The following MBNL1 variants were observed in gnomAD, a reference collection of about 807,000 sequenced individuals.
MBNL1 encodes muscleblind like splicing regulator 1, also known as muscleblind-like protein 1.
MBNL1 carries 8 observed loss-of-function variants against 42.2 expected under a neutral mutation model. That is an observed-to-expected ratio of 0.19 (90% CI 0.11 to 0.34). The LOEUF (loss-of-function observed/expected upper bound fraction) is 0.34, where lower values mean the gene tolerates loss of function less well. Ranked by LOEUF, MBNL1 falls within the 10% of genes least tolerant of loss-of-function variation. The probability of loss-of-function intolerance (pLI) is 1.00; values close to 1 mark genes in which losing one functional copy is unlikely to be tolerated. For synonymous variants in MBNL1, 169 were observed against 173.9 expected (o/e 0.97, Z 0.22); for missense variants, 309 against 495.3 (o/e 0.62, Z 3.57).
At chr3:152,364,776 G>A (rs1236790139) in intron 2 of MBNL1, among the ~76,000 whole-genome samples, 6 of 152,072 alleles carry the variant, frequency 3.9e-5, no homozygotes, top group Non-Finnish European at 5.9e-5. Context: ...GTCAGATACT[G>A]TGAGAGAGAT....
intron 2 of MBNL1, among the ~76,000 whole-genome samples, chr3:152,397,560 G>C (rs1004999917): frequency 7.2e-5 from 11 of 152,126 alleles, no homozygotes; most frequent in Non-Finnish European, 1.5e-4. Context: ...TGGCTGCATA[G>C]TATTCCATGG....
chr3:152,258,493 G>A (rs2035764573), intron 2 of MBNL1, among the ~76,000 whole-genome samples: 1 of 152,182 alleles, frequency 6.6e-6, no homozygotes, highest in African/African-American at 2.4e-5. Context: ...TCATGTGCAG[G>A]CCATTGCACC....
intron 2 of MBNL1, among the ~76,000 whole-genome samples, chr3:152,404,302 C>T (rs1329489225): frequency 2.0e-5 from 3 of 152,090 alleles, no homozygotes; most frequent in Non-Finnish European, 4.4e-5. Context: ...TAATTATATG[C>T]ATAATATATG....
chr3:152,336,649 T>C (rs1009225487), intron 2 of MBNL1, among the ~76,000 whole-genome samples: 1 of 152,216 alleles, frequency 6.6e-6, no homozygotes, highest in Non-Finnish European at 1.5e-5. Context: ...AGGTGGGAGT[T>C]ACTTCATTTT....
chr3:152,315,919 G>A (rs925316008), intron 2 of MBNL1, among the ~76,000 whole-genome samples: 21 of 151,332 alleles, frequency 1.4e-4, no homozygotes, highest in African/African-American at 3.4e-4. Flanking sequence ...ATATGCGCGC[G>A]CACACACCCA....
intron 2 of MBNL1, among the ~76,000 whole-genome samples, chr3:152,311,234 C>A (rs1028155782): frequency 6.6e-6 from 1 of 152,040 alleles, no homozygotes; most frequent in African/African-American, 2.4e-5. Flanking sequence ...GTATCAAACT[C>A]CTGACCTCGT....
chr3:152,414,358 T>C (rs2098659075), intron 2 of MBNL1, among the ~76,000 whole-genome samples: 1 of 152,244 alleles, frequency 6.6e-6, no homozygotes, highest in African/African-American at 2.4e-5. Flanking sequence ...TATTAATCTC[T>C]ATATACAGTG....
chr3:152,296,672 TTG>T (rs10564035), intron 1 of MBNL1, among the ~76,000 whole-genome samples: 73,013 of 148,364 alleles, frequency 0.49, 17,969 homozygotes, highest in East Asian at 0.79. Flanking sequence ...GAGGCAATGA[TTG>T]TGTGTGTGTG....
At chr3:152,384,790 C>T (rs1393081082) in intron 2 of MBNL1, among the ~76,000 whole-genome samples, 1 of 152,046 alleles carries the variant, frequency 6.6e-6, no homozygotes, top group Non-Finnish European at 1.5e-5. Context: ...TTTTGTGTTG[C>T]TTTGAAATGT....
At chr3:152,434,995 TTACTC>T (rs1001697343) in intron 4 of MBNL1, among the ~76,000 whole-genome samples, 75 of 152,342 alleles carry the variant, frequency 4.9e-4, no homozygotes, top group African/African-American at 1.7e-3. Flanking sequence ...TGTAGGCTGT[TTACTC>T]TGTTGATAGT....
At chr3:152,442,084 C>T (rs770123860) in intron 4 of MBNL1, among the ~76,000 whole-genome samples, 44 of 152,128 alleles carry the variant, frequency 2.9e-4, no homozygotes, top group African/African-American at 7.5e-4. Context: ...TGAGCCACCG[C>T]GCCCAGTCAG....
chr3:152,276,088 C>A (rs996476419), intron 1 of MBNL1, among the ~76,000 whole-genome samples: 4 of 152,024 alleles, frequency 2.6e-5, no homozygotes, highest in African/African-American at 9.7e-5. Flanking sequence ...AAGACTTTTA[C>A]CTTAAAGATC....
rs76959984 is a variant in MBNL1 at position 152,463,139 on chromosome 3, CTT to C, written c.*787_*788del. The stretch of plus-strand genomic sequence containing the variant: ...TACTAATCAGTCAAAGGGCACCATT[CTT>C]TTTTTTTTTTTTTGAAACCAAAGCT... On this transcript the variant is annotated 3_prime_UTR_variant, in exon 10 of 10. Coordinates refer to ENST00000324210, the MANE Select transcript of MBNL1 (RefSeq NM_021038.5). The C allele has an allele frequency of 1.6e-4, 21 of 135,100 alleles. No homozygotes were observed. The highest frequency in any genetic ancestry group is 1.8e-4 in the Non-Finnish European group (11 of 61,630). The allele number at this position is 135,100 out of a possible 1,614,324, so 8.4% of individuals were successfully genotyped here.
chr3:152,404,939 A>G (rs1295714648), intron 2 of MBNL1, among the ~76,000 whole-genome samples: 2 of 152,058 alleles, frequency 1.3e-5, no homozygotes, highest in East Asian at 1.9e-4. Flanking sequence ...TTGGTGTTCC[A>G]TTTCTTAAAA....
intron 2 of MBNL1, among the ~76,000 whole-genome samples, chr3:152,356,029 T>C (rs1439094611): frequency 6.6e-6 from 1 of 152,210 alleles, no homozygotes; most frequent in Non-Finnish European, 1.5e-5. Flanking sequence ...CAAAATTGCT[T>C]CTGGCCTCCA....
intron 2 of MBNL1, among the ~76,000 whole-genome samples, chr3:152,361,667 G>A (rs2153136978): frequency 6.6e-6 from 1 of 152,000 alleles, no homozygotes; most frequent in South Asian, 2.1e-4. Flanking sequence ...TGATTCAGAT[G>A]GATAATGATA....
chr3:152,411,467 C>A (rs931685504), intron 2 of MBNL1, among the ~76,000 whole-genome samples: 1 of 152,172 alleles, frequency 6.6e-6, no homozygotes, highest in Non-Finnish European at 1.5e-5. Context: ...TTGCAGTGAG[C>A]CCAGATCGCG....
At chr3:152,305,764 C>T (rs1202320261) in intron 2 of MBNL1, among the ~76,000 whole-genome samples, 1 of 152,148 alleles carries the variant, frequency 6.6e-6, no homozygotes, top group Non-Finnish European at 1.5e-5. Flanking sequence ...TTACTGTAAA[C>T]AAGCTTGATT....
At chr3:152,425,346 G>A (rs894015150) in intron 3 of MBNL1, among the ~76,000 whole-genome samples, 22 of 151,842 alleles carry the variant, frequency 1.4e-4, no homozygotes, top group African/African-American at 4.8e-4. Context: ...ATCAGGGTCC[G>A]GGTGTGGTGG....
Sources: gnomAD v4.1 joint callset for allele counts (sites outside exome capture counted in the v4.1 genomes callset) on GRCh38, gnomAD v4.1.1 for gene constraint, MANE v1.5 for transcripts, NCBI Gene and HGNC (gene_info 2026-07-23, HGNC 2026-07-21) for gene names.